Variants in PSG5 observed in about 807,000 individuals in gnomAD.
PSG5 encodes pregnancy-specific beta-1-glycoprotein 5.
A neutral mutation model predicts 37.7 loss-of-function variants in PSG5; 53 were observed. The observed-to-expected ratio is 1.41, with a 90% CI of 1.13 to 1.77. The LOEUF (loss-of-function observed/expected upper bound fraction) is 1.77. Ranked by LOEUF, PSG5 falls within the 40% of genes most tolerant of loss-of-function variation. The pLI, the probability that PSG5 is intolerant of heterozygous loss-of-function variation, is 0.00. For synonymous variants in PSG5, 221 were observed against 155.4 expected (o/e 1.42, Z -3.14); for missense variants, 547 against 405.2 (o/e 1.35, Z -3.00).
In PSG5 at chr19:43,180,842, G is replaced by A. The variant is rs567757585; in HGVS notation, c.430+3940C>T. Reference sequence around the variant, plus strand: ...TTAAAAGGACAGAACTGGTCAGTGCGTCAATTACATAAAGGGAGGAAGGAT... The same window carrying A: ...TTAAAAGGACAGAACTGGTCAGTGCATCAATTACATAAAGGGAGGAAGGAT... On this transcript the variant is annotated intron_variant, in intron 2 of 5. Transcript: ENST00000342951. 4.6e-3 allele frequency among the ~76,000 whole-genome samples: 698 copies of A among 151,508 alleles called. 13 individuals are homozygous for A. Among genetic ancestry groups the A allele is most frequent in the African/African-American group, 0.014 (577 of 41,130 alleles).
rs934639920 is a variant in PSG5 at position 43,168,041 on chromosome 19, T to C, written c.*203A>G. The C allele has an allele frequency of 1.7e-5, 7 of 416,512 alleles. 1 individual carries two copies. The highest frequency in any genetic ancestry group is 1.0e-4 in the African/African-American group (5 of 48,436). The allele number at this position is 416,512 out of a possible 1,614,324, so 25.8% of individuals were successfully genotyped here. ...TTCATGAAGGTATCAGCCTGTTCAT[T>C]AAAATTTTGAAAGTTCTTAGTCCAG... On this transcript the variant is annotated 3_prime_UTR_variant, in exon 6 of 6. Transcript: ENST00000342951.
rs537812726 is a variant in PSG5 at position 43,184,749 on chromosome 19, C to T, written c.430+33G>A. On this transcript the variant is annotated intron_variant, in intron 2 of 5. Coordinates refer to ENST00000342951, the MANE Select transcript of PSG5 (RefSeq NM_002781.4). ...TGTGAAGTAGAAATGACCCCTGTCC[C>T]CCAACACCCAGGGATCATGTGGAAT... 4 of 1,611,356 alleles carry T rather than the reference C, an allele frequency of 2.5e-6. No homozygotes were observed. In the East Asian group the frequency reaches 8.9e-5, roughly 36 times the overall value.
rs1324795860 is a variant in PSG5 at position 43,171,996 on chromosome 19, A to AC, written c.965-1859_965-1858insG. 1.1e-4 allele frequency among the ~76,000 whole-genome samples: 17 copies of AC among 149,998 alleles called. 1 individual carries two copies. Among genetic ancestry groups the AC allele is most frequent in the African/African-American group, 4.2e-4 (17 of 40,314 alleles). ...CGTCCCTCTCTTCAAAAAAAAAAAAAAAGAAAAAGAAAGAAAGAAAAATGA... is the reference window on the plus strand; with the variant it reads ...CGTCCCTCTCTTCAAAAAAAAAAAAACAAGAAAAAGAAAGAAAGAAAAATGA... On this transcript the variant is annotated intron_variant, in intron 4 of 5. Transcript: ENST00000342951.
chr19:43,184,935 GC>G lies in PSG5; in HGVS notation c.276del (p.Pro93LeufsTer16), dbSNP rs1351284243. 2 of 1,612,472 alleles carry G rather than the reference GC, an allele frequency of 1.2e-6. No individual in the cohort carries two copies. Among genetic ancestry groups the G allele is most frequent in the South Asian group, 2.2e-5 (2 of 91,046 alleles). On this transcript the variant is annotated frameshift_variant, in exon 2 of 6. Transcript: ENST00000342951. LOFTEE classifies it high-confidence loss of function. ...ACTGTTTCTCGTCCAGTGTATGCAG[GC>G]CCATATATATTTATTTGACCGTCTA... ...YVVDGQINIY[G>X]PAYTGRETVY...
intron 2 of PSG5, among the ~76,000 whole-genome samples, chr19:43,182,637 T>C (rs1482394924): frequency 6.8e-6 from 1 of 147,920 alleles, no homozygotes; most frequent in Admixed American, 6.8e-5. Flanking sequence ...ATAATAAACC[T>C]CTGTCCTCCT....
intron 2 of PSG5, among the ~76,000 whole-genome samples, chr19:43,180,858 G>A (rs1383960925): frequency 6.6e-6 from 1 of 151,558 alleles, no homozygotes; most frequent in Non-Finnish European, 1.5e-5. Flanking sequence ...TACATAAAGG[G>A]AGGAAGGATG....
intron 5 of PSG5, among the ~76,000 whole-genome samples, chr19:43,168,862 G>GTA (rs887121845): frequency 7.9e-5 from 12 of 151,568 alleles, no homozygotes; most frequent in African/African-American, 2.9e-4. Context: ...GGCCAAAAAT[G>GTA]TATAGTCTTA....
At chr19:43,184,224 A>T (rs1218003116) in intron 2 of PSG5, among the ~76,000 whole-genome samples, 1 of 151,692 alleles carries the variant, frequency 6.6e-6, no homozygotes, top group Non-Finnish European at 1.5e-5. Flanking sequence ...CTTTGCCCAG[A>T]TGAGGCTCTG....
At position 43,175,317 on chromosome 19, in the gene PSG5, T is replaced by C. The variant is rs2122213904; in HGVS notation, c.862A>G (p.Ile288Val). The C allele has an allele frequency of 6.2e-7, 1 of 1,612,804 alleles. No individual in the cohort carries two copies. ...CTATGCTTTGTAGTAATTTGGGGGA[T>C]AGAGAGCTTTTGTCCTGATTGCTGA... Reference protein sequence around the residue: ...KFQQSGQKLSIPQITTKHRGL... With the variant: ...KFQQSGQKLSVPQITTKHRGL... The change falls in exon 4 of 6, where the codon ATC becomes GTC. Residue 288 changes from isoleucine (I) to valine (V), a missense_variant. By Grantham distance (29) the Ile-to-Val change is conservative. Transcript: ENST00000342951.
At chr19:43,185,441 C>G (rs78559129) in intron 1 of PSG5, among the ~76,000 whole-genome samples, 1 of 114,488 alleles carries the variant, frequency 8.7e-6, no homozygotes, top group Non-Finnish European at 1.9e-5. Flanking sequence ...CCCCCCCCCC[C>G]CACACTGCCC....
chr19:43,176,562 C>T (rs560894370), intron 2 of PSG5, among the ~76,000 whole-genome samples: 30 of 151,676 alleles, frequency 2.0e-4, no homozygotes, highest in African/African-American at 4.6e-4. Flanking sequence ...CTCTGCAGCT[C>T]CCATTTCCAA....
chr19:43,179,165 G>A, intron 2 of PSG5: 1 of 1,583,140 alleles, frequency 6.3e-7, no homozygotes, highest in Non-Finnish European at 8.7e-7. Context: ...CCACTTTGCA[G>A]AAAACAGAGA....
chr19:43,182,720 T>G (rs1568375648), intron 2 of PSG5, among the ~76,000 whole-genome samples: 1 of 130,992 alleles, frequency 7.6e-6, no homozygotes, highest in South Asian at 2.6e-4. Flanking sequence ...TTTTTTTTTT[T>G]TTTGTGCAGG....
chr19:43,179,214 G>T (rs1308633784), intron 2 of PSG5: 2 of 1,504,300 alleles, frequency 1.3e-6, no homozygotes, highest in East Asian at 4.5e-5. Flanking sequence ...TCCTCCAAAG[G>T]CACTTTTCAA....
chr19:43,173,322 A>G (rs1968941522), intron 4 of PSG5, among the ~76,000 whole-genome samples: 2 of 151,794 alleles, frequency 1.3e-5, no homozygotes, highest in Non-Finnish European at 2.9e-5. Flanking sequence ...TTGTAACAAC[A>G]AAAGCATAGG....
chr19:43,186,178 GT>G (rs1389399677), intron 1 of PSG5, among the ~76,000 whole-genome samples, 163 bp downstream of exon 1: 3 of 151,162 alleles, frequency 2.0e-5, no homozygotes, highest in Non-Finnish European at 4.4e-5. Flanking sequence ...GGGCTTCACT[GT>G]GTTGGCAGGA....
intron 4 of PSG5, among the ~76,000 whole-genome samples, chr19:43,172,013 G>GA (rs1211380780): frequency 6.9e-6 from 1 of 144,736 alleles, no homozygotes; most frequent in African/African-American, 2.6e-5. Flanking sequence ...AAGAAAGAAA[G>GA]AAAAATGAAG....
rs151338272 is a variant in PSG5, at chr19:43,184,637, G to T, written c.430+145C>A. The T allele has an allele frequency of 7.2e-5, 106 of 1,470,636 alleles. No individual in the cohort carries two copies. The East Asian group carries it at 2.4e-3, about 33-fold the overall frequency. The allele number at this position is 1,470,636 out of a possible 1,614,324, so 91.1% of individuals were successfully genotyped here. Reference sequence around the variant, plus strand: ...CTGTTGAAATTTGTCTCCTCTGTGTGTGTCCTGCACTAAATGCCCAAACCG... The same window carrying T: ...CTGTTGAAATTTGTCTCCTCTGTGTTTGTCCTGCACTAAATGCCCAAACCG... On this transcript the variant is annotated intron_variant, in intron 2 of 5. Coordinates refer to ENST00000342951, the MANE Select transcript of PSG5 (RefSeq NM_002781.4).
rs1217842963 is a variant in PSG5 at position 43,176,275 on chromosome 19, G to A, written c.431-127C>T. ...GAGTCCTTGAAAGCCAGTAGCTGAT[G>A]CATGTGTCACAAGATAGATGCATGA... On this transcript the variant is annotated intron_variant, in intron 2 of 5. Transcript: ENST00000342951. The A allele has an allele frequency of 5.5e-6, 8 of 1,464,352 alleles. 1 individual carries two copies. The Admixed American group carries it at 1.4e-4, about 25-fold the overall frequency. The allele number at this position is 1,464,352 out of a possible 1,614,324, so 90.7% of individuals were successfully genotyped here.
Sources: allele counts gnomAD v4.1 joint callset (sites outside exome capture counted in the v4.1 genomes callset), GRCh38; gene constraint gnomAD v4.1.1; transcripts MANE v1.5; gene names NCBI Gene and HGNC (gene_info 2026-07-23, HGNC 2026-07-21).